Variants in FAM171B observed in about 807,000 individuals in gnomAD.
The protein encoded by FAM171B is family with sequence similarity 171 member B, also known as protein FAM171B.
In FAM171B, 19 loss-of-function variants were observed where a neutral mutation model predicts 75.6. The observed-to-expected ratio is 0.25, with a 90% CI of 0.18 to 0.37. FAM171B has a LOEUF of 0.37. Ranked by LOEUF, FAM171B falls within the 10% of genes least tolerant of loss-of-function variation. The pLI is 1.00. For synonymous variants in FAM171B, 367 were observed against 361.7 expected (o/e 1.01, Z -0.17); for missense variants, 848 against 982.4 (o/e 0.86, Z 1.83).
chr2:186,750,510 T>C (rs949807056), intron 4 of FAM171B, among the ~76,000 whole-genome samples: 3 of 152,192 alleles, frequency 2.0e-5, no homozygotes, highest in African/African-American at 7.2e-5. Context: ...TCAAGTATAT[T>C]AACACAATTT....
chr2:186,700,766 C>A (rs1689648144), intron 1 of FAM171B, among the ~76,000 whole-genome samples: 1 of 152,064 alleles, frequency 6.6e-6, no homozygotes, highest in African/African-American at 2.4e-5. Context: ...AATTGCTTGG[C>A]CAACTGATAC....
rs1412599294 is a variant in FAM171B, at chr2:186,700,646, G to A, written c.238+6235G>A. On this transcript the variant is annotated intron_variant, in intron 1 of 7. Coordinates refer to ENST00000304698, the MANE Select transcript of FAM171B (RefSeq NM_177454.4). The stretch of plus-strand genomic sequence containing the variant: ...AGTTTATTGATTCTTCTGTTGAGGG[G>A]TATTTGGGTTGTTTCCAGTTTTAGC... Among the ~76,000 whole-genome samples the A allele has an allele frequency of 3.9e-5, 6 of 152,128 alleles. No individual in the cohort carries two copies. The East Asian group carries it at 7.7e-4, about 20-fold the overall frequency.
intron 4 of FAM171B, among the ~76,000 whole-genome samples, chr2:186,748,018 G>A (rs1690392644): frequency 6.6e-6 from 1 of 152,040 alleles, no homozygotes; most frequent in African/African-American, 2.4e-5. Context: ...AACCACCAAG[G>A]TTCGAGTGAT....
At chr2:186,714,982 A>G (rs2105776442) in intron 1 of FAM171B, among the ~76,000 whole-genome samples, 1 of 152,356 alleles carries the variant, frequency 6.6e-6, no homozygotes. Flanking sequence ...AGAAAAATTT[A>G]CTTCAGAGGT....
intron 1 of FAM171B, among the ~76,000 whole-genome samples, chr2:186,696,463 A>C (rs557291041): frequency 6.8e-6 from 1 of 146,282 alleles, no homozygotes; most frequent in African/African-American, 2.5e-5. Flanking sequence ...TCTTTAAAAA[A>C]AAAAAAAACA....
In FAM171B at chr2:186,751,167, C is replaced by T; in HGVS notation, c.758C>T (p.Ala253Val). 2 of 1,607,778 alleles carry T rather than the reference C, an allele frequency of 1.2e-6. No individual in the cohort carries two copies. The highest frequency in any genetic ancestry group is 1.1e-5 in the South Asian group (1 of 90,244). Reference protein sequence around the residue: ...FENIELTPLAAICVKIYSGGK... With the variant: ...FENIELTPLAVICVKIYSGGK... ...AACATTGAATTGACTCCTCTTGCTG[C>T]AATATGTGTGAAAATATATTCTGGA... Residue 253 changes from alanine (A) to valine (V), a missense_variant, in exon 5 of 8, where the codon GCA (alanine) becomes GTA (valine). Around this residue, in one of 3 missense-constraint regions of FAM171B, gnomAD observed 665 missense variants for 729.0 expected, o/e 0.91. Coordinates refer to ENST00000304698, the MANE Select transcript of FAM171B (RefSeq NM_177454.4).
chr2:186,697,627 C>T (rs1689601659), intron 1 of FAM171B, among the ~76,000 whole-genome samples: 2 of 152,146 alleles, frequency 1.3e-5, no homozygotes, highest in African/African-American at 4.8e-5. Flanking sequence ...ATTGAGCTTG[C>T]ATTCATTCTT....
intron 1 of FAM171B, among the ~76,000 whole-genome samples, chr2:186,726,722 T>C (rs1166506180): frequency 3.3e-5 from 5 of 152,204 alleles, no homozygotes; most frequent in Non-Finnish European, 7.3e-5. Flanking sequence ...CCTAGTATCA[T>C]TCTTTAGTCA....
intron 3 of FAM171B, among the ~76,000 whole-genome samples, chr2:186,743,818 A>G (rs1690328179): frequency 6.6e-6 from 1 of 152,160 alleles, no homozygotes; most frequent in South Asian, 2.1e-4. Context: ...CACACTGTAG[A>G]GAACTTCTGT....
chr2:186,737,400 A>C lies in FAM171B; in HGVS notation c.239-2828A>C, dbSNP rs927350466. 1.1e-3 allele frequency among the ~76,000 whole-genome samples: 164 copies of C among 152,306 alleles called. 3 individuals are homozygous for C. The highest frequency in any genetic ancestry group is 4.4e-5 in the Non-Finnish European group (3 of 68,018). Reference sequence around the variant, plus strand: ...GAGACAGGGTCATGCTGTGTTGCCCAGGCTGGAGTGCAGTGGTGTGATCAT... The same window carrying C: ...GAGACAGGGTCATGCTGTGTTGCCCCGGCTGGAGTGCAGTGGTGTGATCAT... On this transcript the variant is annotated intron_variant, in intron 1 of 7. Transcript: ENST00000304698.
chr2:186,694,587 G>A (rs1169680776), intron 1 of FAM171B, among the ~76,000 whole-genome samples, 176 bp downstream of exon 1: 2 of 152,122 alleles, frequency 1.3e-5, no homozygotes, highest in African/African-American at 4.8e-5. Context: ...ATCTGGTGTC[G>A]GGAATCTGCC....
intron 4 of FAM171B, among the ~76,000 whole-genome samples, chr2:186,750,145 T>C (rs1690428293): frequency 6.6e-6 from 1 of 152,290 alleles, no homozygotes; most frequent in South Asian, 2.1e-4. Flanking sequence ...AGCAAATAGA[T>C]AAAAAGTATA....
chr2:186,698,807 GTA>G (rs1168310078), intron 1 of FAM171B, among the ~76,000 whole-genome samples: 1 of 151,972 alleles, frequency 6.6e-6, no homozygotes, highest in Non-Finnish European at 1.5e-5. Flanking sequence ...CCAGACTCTG[GTA>G]ACCATCATTC....
At chr2:186,713,921 A>G (rs1357573765) in intron 1 of FAM171B, among the ~76,000 whole-genome samples, 1 of 152,244 alleles carries the variant, frequency 6.6e-6, no homozygotes, top group Non-Finnish European at 1.5e-5. Flanking sequence ...AACATGAGCT[A>G]GAATATTCCC....
At chr2:186,718,026 T>C (rs1301833164) in intron 1 of FAM171B, among the ~76,000 whole-genome samples, 1 of 152,208 alleles carries the variant, frequency 6.6e-6, no homozygotes, top group East Asian at 1.9e-4. Flanking sequence ...TACCTGGTTA[T>C]TGAAACTCAA....
chr2:186,698,308 C>T (rs929959633), intron 1 of FAM171B, among the ~76,000 whole-genome samples: 1 of 152,094 alleles, frequency 6.6e-6, no homozygotes, highest in Non-Finnish European at 1.5e-5. Flanking sequence ...GGTATATTTT[C>T]ATGGTGTGAA....
At chr2:186,705,939 C>T (rs180952370) in intron 1 of FAM171B, among the ~76,000 whole-genome samples, 18 of 152,234 alleles carry the variant, frequency 1.2e-4, no homozygotes, top group South Asian at 2.1e-4. Context: ...ATGTAATAAA[C>T]GGGTGGGATA....
At chr2:186,737,947 G>A (rs1276525633) in intron 1 of FAM171B, among the ~76,000 whole-genome samples, 1 of 152,230 alleles carries the variant, frequency 6.6e-6, no homozygotes, top group Non-Finnish European at 1.5e-5. Flanking sequence ...GCTCGCGCCT[G>A]CTCAGATCCC....
chr2:186,759,347 T>G (rs902469266), intron 6 of FAM171B, among the ~76,000 whole-genome samples: 1 of 152,086 alleles, frequency 6.6e-6, no homozygotes. Context: ...TGAGTTCCTT[T>G]CTTTTGGGTA....
Sources: gnomAD v4.1 joint callset for allele counts (sites outside exome capture counted in the v4.1 genomes callset) on GRCh38, gnomAD v4.1.1 for gene constraint, gnomAD v4.1.1 regional missense constraint, MANE v1.5 for transcripts, NCBI Gene and HGNC (gene_info 2026-07-23, HGNC 2026-07-21) for gene names.